The following PEX13 variants were observed in gnomAD, a reference collection of about 807,000 sequenced individuals.
The protein encoded by PEX13 is peroxisome biogenesis factor 13.
A neutral mutation model predicts 34.5 loss-of-function variants in PEX13; 28 were observed. The ratio of observed to expected loss-of-function variants is 0.81; its 90% CI spans 0.60 to 1.11. The LOEUF (loss-of-function observed/expected upper bound fraction) is 1.11. PEX13 is among the 50% of genes most tolerant of loss of function. The pLI, the probability that PEX13 is intolerant of heterozygous loss-of-function variation, is 0.00. For synonymous variants in PEX13, 177 were observed against 175.1 expected (o/e 1.01, Z -0.09); for missense variants, 550 against 491.0 (o/e 1.12, Z -1.13).
chr2:61,018,491 A>T, intron 1 of PEX13: 1 of 587,916 alleles, frequency 1.7e-6, no homozygotes, highest in South Asian at 2.8e-5. Flanking sequence ...TTTGGTTTTT[A>T]ATCAGTATCA....
At chr2:61,044,027 G>A (rs979920195) in intron 2 of PEX13, among the ~76,000 whole-genome samples, 2 of 151,852 alleles carry the variant, frequency 1.3e-5, no homozygotes, top group African/African-American at 4.8e-5. Flanking sequence ...ATAGCTCACT[G>A]CAACCTCACA....
chr2:61,036,713 T>C (rs530367588), intron 2 of PEX13, among the ~76,000 whole-genome samples: 3 of 152,296 alleles, frequency 2.0e-5, no homozygotes, highest in Non-Finnish European at 4.4e-5. Context: ...AGAAACTGCA[T>C]CAATTAACGG....
intron 2 of PEX13, among the ~76,000 whole-genome samples, chr2:61,038,973 A>G (rs1348066384): frequency 6.6e-6 from 1 of 152,010 alleles, no homozygotes; most frequent in Non-Finnish European, 1.5e-5. Context: ...TAGCCAAATC[A>G]TGAGTGAACT....
At chr2:61,034,983 G>A (rs139571486) in intron 2 of PEX13, among the ~76,000 whole-genome samples, 26 of 152,348 alleles carry the variant, frequency 1.7e-4, no homozygotes, top group African/African-American at 5.0e-4. Flanking sequence ...TGAGCACAGT[G>A]TGCGAGCTCC....
At chr2:61,017,931 G>GT in intron 1 of PEX13, 80 bp downstream of exon 1, 4 of 1,432,900 alleles carry the variant, frequency 2.8e-6, no homozygotes, top group Non-Finnish European at 3.8e-6. Context: ...GCGGTTGTTA[G>GT]TGGAGGTATT....
chr2:61,047,567 A>G (rs1197287818), intron 3 of PEX13, among the ~76,000 whole-genome samples: 1 of 152,226 alleles, frequency 6.6e-6, no homozygotes, highest in Admixed American at 6.5e-5. Flanking sequence ...TTTTAATTAG[A>G]GGTCATGTGG....
At chr2:61,037,734 T>C (rs968640204) in intron 2 of PEX13, among the ~76,000 whole-genome samples, 1 of 152,036 alleles carries the variant, frequency 6.6e-6, no homozygotes, top group Non-Finnish European at 1.5e-5. Context: ...ATTCAAAAGC[T>C]AGCAGAAGGC....
intron 2 of PEX13, among the ~76,000 whole-genome samples, chr2:61,043,349 A>C (rs536648478): frequency 6.6e-6 from 1 of 152,078 alleles, no homozygotes; most frequent in African/African-American, 2.4e-5. Context: ...AAAAAAAAAA[A>C]AAACAAATTT....
Position 61,045,703 on chromosome 2 carries a change from C to T in PEX13, c.788-23C>T, listed in dbSNP as rs746578503. On this transcript the variant is annotated intron_variant, in intron 2 of 3. Transcript: ENST00000295030. Reference sequence around the variant, plus strand: ...ATTTTTCTTTTGTAAATTTTATTAACCTAATTTTAATTTGGCTTATAGACA... The same window carrying T: ...ATTTTTCTTTTGTAAATTTTATTAATCTAATTTTAATTTGGCTTATAGACA... 4 of 1,607,772 alleles carry T rather than the reference C, an allele frequency of 2.5e-6. No individual in the cohort carries two copies. In the South Asian group the frequency reaches 4.4e-5, roughly 18 times the overall value.
chr2:61,031,683 TCAG>T lies in PEX13; in HGVS notation c.360_362del (p.Gln121del). The T allele has an allele frequency of 6.2e-7, 1 of 1,614,068 alleles. No homozygotes were observed. The highest frequency in any genetic ancestry group is 1.1e-5 in the South Asian group (1 of 91,076). On this transcript the variant is annotated inframe_deletion, in exon 2 of 4. Transcript: ENST00000295030. ...ATGATCTTCCACCCAGTAGATTTGT[TCAG>T]CAAGCTGAAGAAAGCAGCAGGGGTG...
intron 2 of PEX13, among the ~76,000 whole-genome samples, chr2:61,034,021 G>A (rs1008079069): frequency 2.6e-5 from 4 of 151,924 alleles, no homozygotes; most frequent in African/African-American, 9.7e-5. Flanking sequence ...TCGGGAGACA[G>A]AGTCTTGCTC....
chr2:61,017,933 G>A (rs1680122069), intron 1 of PEX13, 82 bp downstream of exon 1: 3 of 1,423,834 alleles, frequency 2.1e-6, no homozygotes, highest in Admixed American at 4.0e-5. Flanking sequence ...GGTTGTTAGT[G>A]GAGGTATTCC....
At chr2:61,026,023 A>G (rs748754946) in intron 1 of PEX13, among the ~76,000 whole-genome samples, 3 of 151,418 alleles carry the variant, frequency 2.0e-5, no homozygotes, top group Non-Finnish European at 4.4e-5. Flanking sequence ...CATCCTGTCA[A>G]CCATCTCTTC....
intron 2 of PEX13, among the ~76,000 whole-genome samples, chr2:61,035,406 G>T (rs909196013): frequency 6.6e-6 from 1 of 152,188 alleles, no homozygotes; most frequent in African/African-American, 2.4e-5. Context: ...AAAAACCAGA[G>T]CGCCTCTTCT....
intron 1 of PEX13, among the ~76,000 whole-genome samples, chr2:61,025,556 G>T (rs948698760): frequency 6.6e-6 from 1 of 151,848 alleles, no homozygotes; most frequent in African/African-American, 2.4e-5. Context: ...ACAGGGTTTC[G>T]CCATGCTGGA....
intron 1 of PEX13, among the ~76,000 whole-genome samples, chr2:61,023,228 C>G (rs575894404): frequency 4.1e-4 from 62 of 152,242 alleles, no homozygotes; most frequent in African/African-American, 1.4e-3. Context: ...TGGTCTCGAA[C>G]TCCTGGGCTC....
At chr2:61,018,579 G>A (rs1680166524) in intron 1 of PEX13, 1 of 234,806 alleles carries the variant, frequency 4.3e-6, no homozygotes, top group Non-Finnish European at 8.3e-6. Flanking sequence ...CTTTTGTTTG[G>A]TAGTGCTGGA....
intron 2 of PEX13, among the ~76,000 whole-genome samples, chr2:61,039,062 G>C (rs556183174): frequency 3.3e-5 from 5 of 152,114 alleles, no homozygotes; most frequent in African/African-American, 1.2e-4. Flanking sequence ...TCTTCAAGGA[G>C]AACTACAAAC....
At position 61,048,572 on chromosome 2, in the gene PEX13, A is replaced by G. The variant is rs748712609; in HGVS notation, c.1014A>G (p.Lys338=). ...ANYVKILGKR[K]GRKTVESSKV... The stretch of plus-strand genomic sequence containing the variant: ...ATGTCAAAATTCTTGGCAAAAGAAA[A>G]GGTAGGAAAACGGTGGAATCAAGTA... Residue 338 remains lysine (K), a synonymous_variant, in exon 4 of 4, where the codon AAA becomes AAG. Transcript: ENST00000295030. 6 of 1,614,048 alleles carry G rather than the reference A, an allele frequency of 3.7e-6. No homozygotes were observed. The African/African-American group carries it at 8.0e-5, about 22-fold the overall frequency.
Sources: gnomAD v4.1 joint callset for allele counts (sites outside exome capture counted in the v4.1 genomes callset) on GRCh38, gnomAD v4.1.1 for gene constraint, MANE v1.5 for transcripts, NCBI Gene and HGNC (gene_info 2026-07-23, HGNC 2026-07-21) for gene names.